Variants in LBHD1 observed in about 807,000 individuals in gnomAD.
The protein encoded by LBHD1 is LBH domain-containing protein 1.
Under a neutral mutation model 31.1 loss-of-function variants are expected in LBHD1, and 28 were observed. The ratio of observed to expected loss-of-function variants is 0.90; its 90% CI spans 0.67 to 1.24. LBHD1 has a LOEUF of 1.24. LBHD1 is among the 50% of genes most tolerant of loss of function. LBHD1 has a pLI of 0.00. For synonymous variants in LBHD1, 105 were observed against 116.5 expected (o/e 0.90, Z 0.63); for missense variants, 350 against 323.0 (o/e 1.08, Z -0.64).
chr11:62,670,419 T>G (rs1944918045), intron 1 of LBHD1: 1 of 193,870 alleles, frequency 5.2e-6, no homozygotes. Context: ...GCTGTTTTAA[T>G]TGCTTTACAT....
intron 4 of LBHD1, chr11:62,666,886 G>A (rs1437578895): frequency 6.2e-7 from 1 of 1,614,052 alleles, no homozygotes; most frequent in African/African-American, 1.3e-5. Context: ...AATGCTTGAG[G>A]GTTCTAAACC....
rs1160571173 is a variant in LBHD1 at position 62,669,689 on chromosome 11, C to T, written c.265G>A (p.Glu89Lys). ...AAGAAGGCCTCAGCATCCTCTTCCTCACCATCAGTGAGCAGCAGCAGCTCC... is the reference window on the plus strand; with the variant it reads ...AAGAAGGCCTCAGCATCCTCTTCCTTACCATCAGTGAGCAGCAGCAGCTCC... ...HEELLLLTDG[E>K]EEDAEAFFQD... Residue 89 changes from glutamate to lysine, a missense_variant, in exon 3 of 7, where the codon GAG becomes AAG. Glu to Lys is a moderately conservative substitution (Grantham distance 56). Coordinates refer to ENST00000354588, the MANE Select transcript of LBHD1 (RefSeq NM_024099.5). The T allele has an allele frequency of 1.9e-6, 3 of 1,614,188 alleles. No individual in the cohort carries two copies. The highest frequency in any genetic ancestry group is 1.6e-4 in the Middle Eastern group (1 of 6,062).
At chr11:62,667,074 C>T (rs1457500892) in intron 4 of LBHD1, 1 of 1,542,814 alleles carries the variant, frequency 6.5e-7, no homozygotes, top group Non-Finnish European at 8.7e-7. Context: ...AGTCCTGACC[C>T]TAGTATTTCT....
At chr11:62,665,106 A>G (rs957519096) in intron 4 of LBHD1, 133 bp from the exon 5 acceptor site, 3 of 1,350,664 alleles carry the variant, frequency 2.2e-6, no homozygotes, top group African/African-American at 2.9e-5. Flanking sequence ...TTGAGGAAAC[A>G]AAGTCGCGGC....
At chr11:62,663,648 C>T (rs987201559) in intron 5 of LBHD1, among the ~76,000 whole-genome samples, 10 of 148,024 alleles carry the variant, frequency 6.8e-5, no homozygotes, top group African/African-American at 2.3e-4. Flanking sequence ...GAGCCGAGAT[C>T]GCGCCACTGC....
At chr11:62,664,733 C>T in intron 5 of LBHD1, 116 bp downstream of exon 5, 1 of 1,333,608 alleles carries the variant, frequency 7.5e-7, no homozygotes, top group Non-Finnish European at 1.0e-6. Flanking sequence ...GACAGACATT[C>T]CCCGCATAAG....
rs1044486590 is a variant in LBHD1 at position 62,671,788 on chromosome 11, G to T, written c.-235C>A. The T allele has an allele frequency of 2.5e-5, 40 of 1,614,174 alleles. No individual in the cohort carries two copies. The highest frequency in any genetic ancestry group is 3.3e-5 in the Non-Finnish European group (39 of 1,180,028). On this transcript the variant is annotated 5_prime_UTR_variant, in exon 1 of 7. Coordinates refer to ENST00000354588, the MANE Select transcript of LBHD1 (RefSeq NM_024099.5). Reference sequence around the variant, plus strand: ...AATGCTGATCTCAGTCGCAATGCTGGGCGCAGGGGCTGGCGTGGGCTACGC... The same window carrying T: ...AATGCTGATCTCAGTCGCAATGCTGTGCGCAGGGGCTGGCGTGGGCTACGC...
intron 4 of LBHD1, 27 bp from the exon 5 acceptor site, chr11:62,665,000 A>C: frequency 6.2e-7 from 1 of 1,606,548 alleles, no homozygotes; most frequent in Non-Finnish European, 8.5e-7. Context: ...TGCGAATCAG[A>C]TGGAGTGGGC....
In LBHD1 at chr11:62,671,932, A is replaced by G; in HGVS notation, c.-379T>C. On this transcript the variant is annotated 5_prime_UTR_variant, in exon 1 of 7. Coordinates refer to ENST00000354588, the MANE Select transcript of LBHD1 (RefSeq NM_024099.5). ...AGAGCCCCGGACTGGAGCTCCTGCG[A>G]ACTCCCCTTCCTGCCCTCAGGAGAT... 2 of 1,613,372 alleles carry G rather than the reference A, an allele frequency of 1.2e-6. No individual in the cohort carries two copies. The highest frequency in any genetic ancestry group is 1.7e-6 in the Non-Finnish European group (2 of 1,179,522).
intron 3 of LBHD1, 167 bp downstream of exon 3, chr11:62,669,474 A>G (rs1944899921): frequency 1.0e-5 from 10 of 983,988 alleles, no homozygotes; most frequent in African/African-American, 1.8e-5. Context: ...GCTCTCTACA[A>G]TTCATCAACT....
chr11:62,666,885 G>A, intron 4 of LBHD1: 1 of 1,614,170 alleles, frequency 6.2e-7, no homozygotes, highest in East Asian at 2.2e-5. Flanking sequence ...GAATGCTTGA[G>A]GGTTCTAAAC....
chr11:62,670,194 G>T, intron 1 of LBHD1, 153 bp from the exon 2 acceptor site: 1 of 749,812 alleles, frequency 1.3e-6, no homozygotes, highest in South Asian at 2.0e-5. Context: ...ATGCCCAAGA[G>T]GTGAGATAGG....
At chr11:62,667,426 C>T in intron 4 of LBHD1, 97 bp downstream of exon 4, 1 of 1,304,790 alleles carries the variant, frequency 7.7e-7, no homozygotes, top group Non-Finnish European at 1.1e-6. Context: ...CTGTAAGCCT[C>T]ATTTTTGTCA....
At position 62,672,187 on chromosome 11, in the gene LBHD1, G is replaced by T. The variant is rs1944957736; in HGVS notation, c.-634C>A. On this transcript the variant is annotated 5_prime_UTR_variant, in exon 1 of 7. Coordinates refer to ENST00000354588, the MANE Select transcript of LBHD1 (RefSeq NM_024099.5). The stretch of plus-strand genomic sequence containing the variant: ...ATCCGAGGCAGCCTTTCTCCTTCGT[G>T]GGCCCAGCGGAGAGTCCGGACCGAG... 2.3e-5 allele frequency: 33 copies of T among 1,452,854 alleles called. No homozygotes were observed. Among genetic ancestry groups the T allele is most frequent in the Non-Finnish European group, 3.1e-5 (33 of 1,079,754 alleles). The allele number at this position is 1,452,854 out of a possible 1,614,324, so 90.0% of individuals were successfully genotyped here. A position where few individuals can be genotyped will look rare whatever the true frequency, so the allele number is the denominator to read the frequency against.
At position 62,663,135 on chromosome 11, in the gene LBHD1, CT is replaced by C; in HGVS notation, c.785del (p.Gln262ArgfsTer29). On this transcript the variant is annotated frameshift_variant, in exon 7 of 7. Coordinates refer to ENST00000354588, the MANE Select transcript of LBHD1 (RefSeq NM_024099.5). LOFTEE classifies it high-confidence loss of function. Reference protein sequence around the residue: ...HGSGSPFKASQD With the variant: ...HGSGSPFKASXD Reference sequence around the variant, plus strand: ...CCTTTTGAGCTGTGGTTCACTAGTCCTGGCTGGCTTTGAAGGGGCTTCCACT... The same window carrying C: ...CCTTTTGAGCTGTGGTTCACTAGTCCGGCTGGCTTTGAAGGGGCTTCCACT... 6.2e-7 allele frequency: 1 copy of C among 1,614,118 alleles called. No individual in the cohort carries two copies. The highest frequency in any genetic ancestry group is 1.1e-5 in the South Asian group (1 of 91,086).
At chr11:62,663,693 CAA>C (rs552135889) in intron 5 of LBHD1, among the ~76,000 whole-genome samples, 107 of 60,110 alleles carry the variant, frequency 1.8e-3, no homozygotes, top group African/African-American at 5.6e-3. Flanking sequence ...GACTCCGTCT[CAA>C]AAAAAAAAAA....
chr11:62,665,020 C>G (rs1243632616), intron 4 of LBHD1, 47 bp from the exon 5 acceptor site: 4 of 1,600,980 alleles, frequency 2.5e-6, no homozygotes, highest in Middle Eastern at 1.6e-4. Context: ...CTCGCCGCGA[C>G]CCGGGGCCCC....
At chr11:62,667,124 A>G (rs538056161) in intron 4 of LBHD1, 143 of 1,435,964 alleles carry the variant, frequency 1.0e-4, no homozygotes, top group South Asian at 9.7e-5. Context: ...TTTGCAAGCT[A>G]TCTGGCTGCA....
intron 4 of LBHD1, chr11:62,666,231 G>A (rs1231206510): frequency 7.6e-6 from 6 of 784,924 alleles, no homozygotes; most frequent in Non-Finnish European, 1.3e-5. Context: ...AGCTACTCAG[G>A]AGGCTGAGGT....
Sources: gnomAD v4.1 joint callset for allele counts (sites outside exome capture counted in the v4.1 genomes callset) on GRCh38, gnomAD v4.1.1 for gene constraint, MANE v1.5 for transcripts, NCBI Gene and HGNC (gene_info 2026-07-23, HGNC 2026-07-21) for gene names.